CSMD3: variants seen among roughly 807,000 people sequenced by gnomAD.
CSMD3 encodes the protein CUB and Sushi multiple domains 3.
A neutral mutation model predicts 435.2 loss-of-function variants in CSMD3; 177 were observed. The observed-to-expected ratio is 0.41, with a 90% CI of 0.36 to 0.46. The LOEUF is 0.46. Among genes scored for constraint, CSMD3 ranks in the 20% least tolerant of loss-of-function variants. The pLI, the probability that CSMD3 is intolerant of heterozygous loss-of-function variation, is 0.34. For synonymous variants in CSMD3, 1,656 were observed against 1,520.5 expected, an observed-to-expected ratio of 1.09 and a Z score of -2.07; for missense variants, 4,265 against 4,504.6, an observed-to-expected ratio of 0.95 and a Z score of 1.52.
At chr8:113,225,051 AAGG>A (rs202066535) in intron 3 of CSMD3, among the ~76,000 whole-genome samples, 2,534 of 151,504 alleles carry the variant, frequency 0.017, 38 homozygotes, top group Middle Eastern at 0.037. Context: ...GAGAAGTATG[AAGG>A]AGATTATTTC....
chr8:112,458,995 C>G (rs1817150015), intron 32 of CSMD3, among the ~76,000 whole-genome samples: 1 of 152,036 alleles, frequency 6.6e-6, no homozygotes, highest in South Asian at 2.1e-4. Flanking sequence ...TCCCTACTAT[C>G]TTCTACAAAC....
chr8:112,493,026 GT>G, intron 30 of CSMD3, among the ~76,000 whole-genome samples: 1 of 152,238 alleles, frequency 6.6e-6, no homozygotes, highest in African/African-American at 2.4e-5. Context: ...ACAGCTGACT[GT>G]TTTTTATGGA....
At chr8:112,829,438 T>C (rs572469172) in intron 12 of CSMD3, among the ~76,000 whole-genome samples, 1 of 152,136 alleles carries the variant, frequency 6.6e-6, no homozygotes, top group Admixed American at 6.5e-5. Context: ...AAGAAATACA[T>C]TTCTATTGTT....
intron 29 of CSMD3, among the ~76,000 whole-genome samples, chr8:112,505,785 T>C (rs1563631256): frequency 6.6e-6 from 1 of 152,106 alleles, no homozygotes; most frequent in Non-Finnish European, 1.5e-5. Flanking sequence ...TCCTGTTGTA[T>C]AAGGAAGAGA....
intron 22 of CSMD3, among the ~76,000 whole-genome samples, chr8:112,606,045 C>T (rs1832766497): frequency 6.6e-6 from 1 of 152,088 alleles, no homozygotes; most frequent in Admixed American, 6.6e-5. Context: ...GAAGCAGCCT[C>T]AACTTAAACA....
chr8:112,349,976 G>A (rs1202190841), intron 40 of CSMD3, among the ~76,000 whole-genome samples: 2 of 152,074 alleles, frequency 1.3e-5, no homozygotes, highest in Non-Finnish European at 2.9e-5. Context: ...GGTCATAAGA[G>A]GAGGGTCTTA....
At chr8:112,930,239 A>G (rs1004694432) in intron 9 of CSMD3, among the ~76,000 whole-genome samples, 1 of 152,098 alleles carries the variant, frequency 6.6e-6, no homozygotes. Flanking sequence ...TCCCATTGCT[A>G]TATCACTCCC....
At chr8:112,951,299 G>C (rs2083800251) in intron 8 of CSMD3, among the ~76,000 whole-genome samples, 1 of 151,692 alleles carries the variant, frequency 6.6e-6, no homozygotes, top group South Asian at 2.1e-4. Flanking sequence ...GCAACTTGCA[G>C]CATTTTAAGA....
intron 24 of CSMD3, among the ~76,000 whole-genome samples, chr8:112,570,780 C>A (rs866395052): frequency 1.3e-5 from 2 of 152,044 alleles, no homozygotes; most frequent in East Asian, 3.9e-4. Context: ...TGTTGGTTCA[C>A]AAAATTGTCT....
At chr8:113,172,821 A>T (rs1479091373) in intron 4 of CSMD3, among the ~76,000 whole-genome samples, 2 of 152,196 alleles carry the variant, frequency 1.3e-5, no homozygotes, top group African/African-American at 4.8e-5. Context: ...TATGCTTACT[A>T]AGGAAAAAAA....
chr8:113,215,942 A>G (rs1453030079), intron 3 of CSMD3, among the ~76,000 whole-genome samples: 1 of 151,878 alleles, frequency 6.6e-6, no homozygotes, highest in African/African-American at 2.4e-5. Flanking sequence ...AAAAAGATAT[A>G]TTAAACTTCC....
At chr8:113,346,947 A>C (rs1230874572) in intron 1 of CSMD3, among the ~76,000 whole-genome samples, 2 of 152,112 alleles carry the variant, frequency 1.3e-5, no homozygotes, top group African/African-American at 4.8e-5. Flanking sequence ...CTTTATGAGA[A>C]AATGGAGATA....
At chr8:113,199,779 T>G (rs2092698384) in intron 3 of CSMD3, among the ~76,000 whole-genome samples, 1 of 151,748 alleles carries the variant, frequency 6.6e-6, no homozygotes, top group African/African-American at 2.4e-5. Context: ...GAAATTATAA[T>G]TTCCATAGCT....
chr8:113,141,476 A>T (rs2091546329), intron 4 of CSMD3, among the ~76,000 whole-genome samples: 1 of 151,040 alleles, frequency 6.6e-6, no homozygotes, highest in Non-Finnish European at 1.5e-5. Context: ...TATTTTTCAA[A>T]TATGATAAAC....
At chr8:112,401,944 T>C (rs1049002688) in intron 35 of CSMD3, among the ~76,000 whole-genome samples, 3 of 152,170 alleles carry the variant, frequency 2.0e-5, no homozygotes, top group Non-Finnish European at 4.4e-5. Context: ...TTAAAATCAA[T>C]AGTATCAAAC....
chr8:113,138,332 T>C (rs1056702990), intron 4 of CSMD3, among the ~76,000 whole-genome samples: 45 of 151,400 alleles, frequency 3.0e-4, no homozygotes, highest in African/African-American at 1.0e-3. Flanking sequence ...CTACTGAAAA[T>C]GGAACAAAAT....
intron 27 of CSMD3, among the ~76,000 whole-genome samples, chr8:112,530,084 G>C (rs1230874528): frequency 6.6e-6 from 1 of 151,702 alleles, no homozygotes; most frequent in Non-Finnish European, 1.5e-5. Context: ...AGCAACTCAA[G>C]GACACATCAT....
chr8:112,786,056 C>T (rs1324916882), intron 13 of CSMD3, among the ~76,000 whole-genome samples: 1 of 152,048 alleles, frequency 6.6e-6, no homozygotes, highest in East Asian at 1.9e-4. Flanking sequence ...ACCAAAACAG[C>T]ATGGTAGTGG....
intron 22 of CSMD3, among the ~76,000 whole-genome samples, chr8:112,598,538 C>T (rs2131402771): frequency 6.7e-6 from 1 of 150,310 alleles, no homozygotes; most frequent in South Asian, 2.1e-4. Flanking sequence ...CATATGGAAC[C>T]AAAAAAGAGC....
Sources: gnomAD v4.1 joint callset for allele counts (sites outside exome capture counted in the v4.1 genomes callset) on GRCh38, gnomAD v4.1.1 for gene constraint, MANE v1.5 for transcripts, NCBI Gene and HGNC (gene_info 2026-07-23, HGNC 2026-07-21) for gene names.